Variants in XKR9 observed in about 807,000 individuals in gnomAD.
XKR9 encodes XK-related protein 9.
XKR9 carries 32 observed loss-of-function variants against 32.0 expected under a neutral mutation model. That is an observed-to-expected ratio of 1.00 (90% CI 0.76 to 1.34). The LOEUF (loss-of-function observed/expected upper bound fraction) is 1.34. Ranked by LOEUF, XKR9 falls within the 40% of genes most tolerant of loss-of-function variation. XKR9 has a pLI of 0.00. For missense variants in XKR9, 546 were observed against 429.7 expected (o/e 1.27, Z -2.39); for synonymous variants, 168 against 143.4 (o/e 1.17, Z -1.22).
chr8:70,814,912 C>A, the XKR9 span, among the ~76,000 whole-genome samples: 1 of 152,138 alleles, frequency 6.6e-6, no homozygotes, highest in Non-Finnish European at 1.5e-5. Flanking sequence ...TATATAAAAG[C>A]AGTGTTCCAA....
intron 2 of XKR9, among the ~76,000 whole-genome samples, chr8:70,677,307 G>C (rs969388791): frequency 6.6e-5 from 10 of 150,832 alleles, no homozygotes; most frequent in Admixed American, 1.3e-4. Flanking sequence ...TACCATGCCT[G>C]GCTAATTTTT....
the XKR9 span, among the ~76,000 whole-genome samples, chr8:70,813,732 A>C: frequency 6.6e-6 from 1 of 152,348 alleles, no homozygotes; most frequent in South Asian, 2.1e-4. Flanking sequence ...GCAAATCAAA[A>C]CCGCAATGAG....
Position 70,733,850 on chromosome 8 carries a change from A to C in XKR9, c.548A>C (p.Gln183Pro). 6.2e-7 allele frequency: 1 copy of C among 1,605,592 alleles called. No homozygotes were observed. Among genetic ancestry groups the C allele is most frequent in the Non-Finnish European group, 8.5e-7 (1 of 1,177,694 alleles). ...ATTTCTTGGTCAACTGTTGATTATCAAGTAGCTTTAAGAAAATCCTTGCCT... is the reference window on the plus strand; with the variant it reads ...ATTTCTTGGTCAACTGTTGATTATCCAGTAGCTTTAAGAAAATCCTTGCCT... ...CAISWSTVDY[Q>P]VALRKSLPDK... Residue 183 changes from glutamine (Q) to proline (P), a missense_variant, in exon 5 of 5, where the codon CAA (glutamine) becomes CCA (proline). By Grantham distance (76) the Gln-to-Pro change is moderately conservative. Transcript: ENST00000408926.
intron 2 of XKR9, among the ~76,000 whole-genome samples, chr8:70,755,777 G>A (rs1169996921): frequency 1.4e-5 from 2 of 138,636 alleles, no homozygotes; most frequent in Non-Finnish European, 1.6e-5. Flanking sequence ...GGGGAGGGGG[G>A]GAGGGTTAGC....
At chr8:70,994,747 G>GTTTTTTTTTTTTTT in the XKR9 span, among the ~76,000 whole-genome samples, 1 of 126,884 alleles carries the variant, frequency 7.9e-6, no homozygotes, top group African/African-American at 2.9e-5. Flanking sequence ...GTTATATTCT[G>GTTTTTTTTTTTTTT]TTTTTTTTTT....
At chr8:70,927,700 A>G in the XKR9 span, among the ~76,000 whole-genome samples, 1 of 152,174 alleles carries the variant, frequency 6.6e-6, no homozygotes, top group African/African-American at 2.4e-5. Flanking sequence ...ACTTCCCCAA[A>G]GGACCTGCCT....
At chr8:70,950,247 A>T in the XKR9 span, among the ~76,000 whole-genome samples, 11 of 152,158 alleles carry the variant, frequency 7.2e-5, no homozygotes, top group Non-Finnish European at 1.5e-4. Context: ...CGAATTTTAC[A>T]CAGTTGTAAA....
the XKR9 span, among the ~76,000 whole-genome samples, chr8:70,880,152 C>G: frequency 6.6e-6 from 1 of 152,186 alleles, no homozygotes; most frequent in Non-Finnish European, 1.5e-5. Context: ...TTATGACACA[C>G]CCATAGTCAA....
At chr8:70,913,158 G>C in the XKR9 span, among the ~76,000 whole-genome samples, 1 of 152,188 alleles carries the variant, frequency 6.6e-6, no homozygotes, top group Admixed American at 6.6e-5. Context: ...ATCCTATTGA[G>C]TGGGAATTTC....
At chr8:70,687,312 C>CTCTCTCTTTCTT (rs1554544428) in intron 3 of XKR9, among the ~76,000 whole-genome samples, 3 of 138,252 alleles carry the variant, frequency 2.2e-5, no homozygotes, top group Admixed American at 1.5e-4. Context: ...TCTCTCCTCC[C>CTCTCTCTTTCTT]TCTTTCTTTC....
At chr8:70,726,639 C>T (rs1056838488) in intron 4 of XKR9, among the ~76,000 whole-genome samples, 1 of 152,214 alleles carries the variant, frequency 6.6e-6, no homozygotes, top group Non-Finnish European at 1.5e-5. Flanking sequence ...ACAATCAAAG[C>T]AATGGCTACC....
Position 70,690,090 on chromosome 8 carries a change from G to A in XKR9, c.272+8760G>A, listed in dbSNP as rs182257318. Among the ~76,000 whole-genome samples the A allele has an allele frequency of 5.3e-5, 8 of 151,798 alleles. No homozygotes were observed. The East Asian group carries it at 1.5e-3, about 29-fold the overall frequency. Reference sequence around the variant, plus strand: ...TAAACAAACACTTTACTCTTTTTTTGTTTTTCTTTCTTTTTAAAAATTTTT... The same window carrying A: ...TAAACAAACACTTTACTCTTTTTTTATTTTTCTTTCTTTTTAAAAATTTTT... On this transcript the variant is annotated intron_variant, in intron 3 of 4. Coordinates refer to ENST00000408926, the MANE Select transcript of XKR9 (RefSeq NM_001011720.2).
chr8:70,710,400 G>C (rs1805872303), intron 4 of XKR9, among the ~76,000 whole-genome samples: 1 of 152,148 alleles, frequency 6.6e-6, no homozygotes, highest in Admixed American at 6.5e-5. Flanking sequence ...TCATGACAAA[G>C]ACTACAAAAA....
the XKR9 span, among the ~76,000 whole-genome samples, chr8:70,852,397 G>A: frequency 3.9e-5 from 6 of 152,096 alleles, no homozygotes; most frequent in African/African-American, 1.2e-4. Context: ...TCTAGAACTA[G>A]AAATACCTTT....
chr8:71,028,205 C>T, the XKR9 span, among the ~76,000 whole-genome samples: 48 of 152,252 alleles, frequency 3.2e-4, no homozygotes, highest in Middle Eastern at 3.4e-3. Context: ...CACAGAATAT[C>T]TTTCCATTTA....
At chr8:70,785,410 A>G (rs1486310335) in intron 2 of XKR9, among the ~76,000 whole-genome samples, 3 of 151,742 alleles carry the variant, frequency 2.0e-5, no homozygotes, top group Non-Finnish European at 4.4e-5. Flanking sequence ...AATCAGTCTA[A>G]CTGAAAGTTT....
At chr8:70,975,011 G>A in the XKR9 span, among the ~76,000 whole-genome samples, 1 of 152,234 alleles carries the variant, frequency 6.6e-6, no homozygotes, top group Admixed American at 6.5e-5. Context: ...ATTTTTTCCT[G>A]TGTCTTTTGG....
intron 1 of XKR9, among the ~76,000 whole-genome samples, chr8:70,673,588 A>T (rs1818787936): frequency 6.6e-6 from 1 of 152,150 alleles, no homozygotes; most frequent in South Asian, 2.1e-4. Context: ...AACATGGTGA[A>T]ACCCTGTCTC....
intron 2 of XKR9, among the ~76,000 whole-genome samples, chr8:70,783,610 C>T (rs551605915): frequency 6.6e-6 from 1 of 152,042 alleles, no homozygotes; most frequent in African/African-American, 2.4e-5. Flanking sequence ...GGATATTAAC[C>T]AATTATTGGA....
Sources: gnomAD v4.1 joint callset for allele counts (sites outside exome capture counted in the v4.1 genomes callset) on GRCh38, gnomAD v4.1.1 for gene constraint, MANE v1.5 for transcripts, NCBI Gene and HGNC (gene_info 2026-07-23, HGNC 2026-07-21) for gene names.